The following NTNG2 variants were observed in gnomAD, a reference collection of about 807,000 sequenced individuals.
The protein encoded by NTNG2 is netrin G2.
NTNG2 carries 15 observed loss-of-function variants against 47.6 expected under a neutral mutation model. The observed-to-expected ratio is 0.32, with a 90% confidence interval of 0.21 to 0.49. The LOEUF is 0.49. Among genes scored for constraint, NTNG2 ranks in the 20% least tolerant of loss-of-function variants. The pLI, the probability that NTNG2 is intolerant of heterozygous loss-of-function variation, is 0.99. For missense variants in NTNG2, 578 were observed against 764.6 expected, an observed-to-expected ratio of 0.76 and a Z score of 2.88; for synonymous variants, 307 against 324.6, an observed-to-expected ratio of 0.95 and a Z score of 0.58.
In NTNG2 at chr9:132,219,227, A is replaced by T. The variant is rs1448165170; in HGVS notation, c.858-7622A>T. 5.9e-5 allele frequency among the ~76,000 whole-genome samples: 9 copies of T among 151,596 alleles called. No individual in the cohort carries two copies. The East Asian group carries it at 1.7e-3, about 29-fold the overall frequency. ...CAAGACTCTGTCTCAAAACAAAAAA[A>T]AAAAAGAAAAAAAAAGTCATCTACC... On this transcript the variant is annotated intron_variant, in intron 3 of 7. Coordinates refer to ENST00000393229, the MANE Select transcript of NTNG2 (RefSeq NM_032536.4).
intron 2 of NTNG2, among the ~76,000 whole-genome samples, chr9:132,170,099 C>G (rs1484995981): frequency 6.6e-6 from 1 of 152,126 alleles, no homozygotes; most frequent in East Asian, 1.9e-4. Context: ...AACATCCAGC[C>G]CACGGGAGCG....
At chr9:132,183,933 A>C (rs1055084285) in intron 2 of NTNG2, among the ~76,000 whole-genome samples, 3 of 152,164 alleles carry the variant, frequency 2.0e-5, no homozygotes, top group Non-Finnish European at 2.9e-5. Flanking sequence ...GAATGTTGCC[A>C]CACCCCTCCC....
chr9:132,202,632 G>A (rs920718389), intron 3 of NTNG2, among the ~76,000 whole-genome samples: 1 of 152,234 alleles, frequency 6.6e-6, no homozygotes, highest in African/African-American at 2.4e-5. Flanking sequence ...CTGGATTTGA[G>A]GAGGAATGAG....
At chr9:132,222,026 G>C (rs919082684) in intron 3 of NTNG2, among the ~76,000 whole-genome samples, 3 of 152,206 alleles carry the variant, frequency 2.0e-5, no homozygotes, top group Non-Finnish European at 1.5e-5. Flanking sequence ...GCCAGCTCAG[G>C]GGGGTGTTAG....
chr9:132,210,893 C>T (rs545729447), intron 3 of NTNG2, among the ~76,000 whole-genome samples: 1 of 148,858 alleles, frequency 6.7e-6, no homozygotes, highest in South Asian at 2.1e-4. Context: ...TAGATGTACC[C>T]GCCAAGTCAC....
At position 132,231,669 on chromosome 9, in the gene NTNG2, G is replaced by C. The variant is rs1414992574; in HGVS notation, c.1054+1074G>C. The C allele has an allele frequency of 1.1e-5, 3 of 263,962 alleles. No homozygotes were observed. Among genetic ancestry groups the C allele is most frequent in the South Asian group, 9.7e-5 (3 of 30,796 alleles). 16.4% of individuals were successfully genotyped at this position (263,962 alleles called of 1,614,324 possible). ...CATCAGCAGGTCCCAGAAAGACCCC[G>C]ACCCCAAAGGCCCTGTGGCCACTGC... On this transcript the variant is annotated intron_variant, in intron 5 of 7. Transcript: ENST00000393229. The surrounding 1 kb of genome is among the most constrained non-coding windows in gnomAD (Gnocchi z 4.1).
Position 132,198,047 on chromosome 9 carries a change from G to A in NTNG2, c.295G>A (p.Glu99Lys). Residue 99 changes from glutamate (E) to lysine (K), a missense_variant, in exon 3 of 8, where the codon GAG (glutamate) becomes AAG (lysine). Transcript: ENST00000393229. ...CCCGCCCAGGCTCATGTTCGACAAGGAGGAGGAGGGCCTGGCCACCTACTG... is the reference window on the plus strand; with the variant it reads ...CCCGCCCAGGCTCATGTTCGACAAGAAGGAGGAGGGCCTGGCCACCTACTG... ...AHPPRLMFDK[E>K]EEGLATYWQS... 1.2e-6 allele frequency: 2 copies of A among 1,613,420 alleles called. No individual in the cohort carries two copies. The highest frequency in any genetic ancestry group is 1.7e-6 in the Non-Finnish European group (2 of 1,179,754).
Position 132,240,909 on chromosome 9 carries a change from G to C in NTNG2, c.1223-1G>C. The C allele has an allele frequency of 6.2e-7, 1 of 1,612,886 alleles. No homozygotes were observed. Among genetic ancestry groups the C allele is most frequent in the Non-Finnish European group, 8.5e-7 (1 of 1,179,832 alleles). On this transcript the variant is annotated splice_acceptor_variant, in intron 6 of 7. Coordinates refer to ENST00000393229, the MANE Select transcript of NTNG2 (RefSeq NM_032536.4). LOFTEE classifies it high-confidence loss of function. ...GCGCGCCCGTGCCCGTGTCCGTCCA[G>C]AGTGTAACTGCAACCAGATAGGCTC...
chr9:132,176,592 C>G (rs1267235737), intron 2 of NTNG2, among the ~76,000 whole-genome samples: 2 of 152,214 alleles, frequency 1.3e-5, no homozygotes, highest in African/African-American at 4.8e-5. Context: ...CGTTTCCTAA[C>G]TGATGGACAT....
rs1842035806 is a variant in NTNG2 at position 132,242,211 on chromosome 9, C to G, written c.*100C>G. 4.5e-6 allele frequency: 2 copies of G among 440,072 alleles called. No individual in the cohort carries two copies. Among genetic ancestry groups the G allele is most frequent in the Non-Finnish European group, 3.1e-6 (1 of 322,644 alleles). The allele number at this position is 440,072 out of a possible 1,614,324, so 27.3% of individuals were successfully genotyped here. A position where few individuals can be genotyped will look rare whatever the true frequency, so the allele number is the denominator to read the frequency against. ...GCCGGGCGGTGAGAAGGGTGCGGCC[C>G]GAGGTGCTCCCAGGTGCTACTCAGC... On this transcript the variant is annotated 3_prime_UTR_variant, in exon 8 of 8. Transcript: ENST00000393229. This position sits in a 1 kb window ranked among gnomAD's most constrained non-coding sequence, Gnocchi z 5.9.
Position 132,226,134 on chromosome 9 carries a change from G to A in NTNG2, c.858-715G>A, listed in dbSNP as rs896522136. Among the ~76,000 whole-genome samples, 2 of 152,172 alleles carry A rather than the reference G, an allele frequency of 1.3e-5. No homozygotes were observed. The highest frequency in any genetic ancestry group is 2.4e-5 in the African/African-American group (1 of 41,432). ...GGGACTGCAAATTCTCTCGTGAAAT[G>A]CTTCTATAAAAAGAAGCTTCCCCTC... On this transcript the variant is annotated intron_variant, in intron 3 of 7. Transcript: ENST00000393229. This position sits in a 1 kb window ranked among gnomAD's most constrained non-coding sequence, Gnocchi z 4.8.
At chr9:132,176,891 C>A (rs1053159042) in intron 2 of NTNG2, among the ~76,000 whole-genome samples, 8 of 152,174 alleles carry the variant, frequency 5.3e-5, no homozygotes, top group African/African-American at 1.9e-4. Context: ...TAGGATGAGC[C>A]TAGTGGGTGT....
intron 2 of NTNG2, among the ~76,000 whole-genome samples, chr9:132,175,856 T>C (rs1836401639): frequency 6.6e-6 from 1 of 151,694 alleles, no homozygotes; most frequent in Non-Finnish European, 1.5e-5. Context: ...TGTTCCCTGC[T>C]GATTGCCAGG....
At chr9:132,195,673 C>T (rs946362105) in intron 2 of NTNG2, among the ~76,000 whole-genome samples, 1 of 151,732 alleles carries the variant, frequency 6.6e-6, no homozygotes, top group African/African-American at 2.4e-5. Flanking sequence ...CTCTGTGATC[C>T]AGGCTACAGT....
chr9:132,229,540 G>T (rs372897815), intron 4 of NTNG2, among the ~76,000 whole-genome samples: 4 of 152,074 alleles, frequency 2.6e-5, no homozygotes, highest in Admixed American at 2.6e-4. Flanking sequence ...GGACCTCCCC[G>T]TGCCCTGCCT....
intron 2 of NTNG2, among the ~76,000 whole-genome samples, chr9:132,168,565 G>A (rs1186271989): frequency 6.6e-6 from 1 of 152,170 alleles, no homozygotes. Context: ...GAGGGAGGGA[G>A]AGAGGGAAGG....
intron 4 of NTNG2, among the ~76,000 whole-genome samples, chr9:132,230,085 G>A (rs7026043): frequency 0.069 from 10,484 of 152,308 alleles, 464 homozygotes; most frequent in Middle Eastern, 0.15. Flanking sequence ...TGCTGACACC[G>A]TGCCTGGCAC....
intron 5 of NTNG2, chr9:132,238,891 C>G (rs1436684724): frequency 3.1e-6 from 2 of 644,778 alleles, no homozygotes; most frequent in Non-Finnish European, 5.5e-6. Flanking sequence ...TGGGCTCAGC[C>G]TACTCAGGTT....
chr9:132,229,835 G>C (rs1253926758), intron 4 of NTNG2, among the ~76,000 whole-genome samples: 1 of 152,232 alleles, frequency 6.6e-6, no homozygotes, highest in Non-Finnish European at 1.5e-5. Context: ...TGTGGCACCA[G>C]CTCCTTCCTT....
Sources: gnomAD v4.1 joint callset for allele counts (sites outside exome capture counted in the v4.1 genomes callset) on GRCh38, gnomAD v4.1.1 for gene constraint, Gnocchi (gnomAD v3.1) non-coding constraint, MANE v1.5 for transcripts, NCBI Gene and HGNC (gene_info 2026-07-23, HGNC 2026-07-21) for gene names.